STK32B: variants seen among roughly 807,000 people sequenced by gnomAD.
STK32B encodes serine/threonine kinase 32B.
STK32B carries 43 observed loss-of-function variants against 52.6 expected under a neutral mutation model. The ratio of observed to expected loss-of-function variants is 0.82; its 90% CI spans 0.64 to 1.05. The LOEUF is 1.05. Ranked by LOEUF, STK32B falls within the 50% of genes least tolerant of loss-of-function variation. The probability of loss-of-function intolerance (pLI) is 0.00; values close to 1 mark genes in which losing one functional copy is unlikely to be tolerated. For synonymous variants in STK32B, 238 were observed against 204.3 expected, an observed-to-expected ratio of 1.17 and a Z score of -1.41; for missense variants, 621 against 534.6, an observed-to-expected ratio of 1.16 and a Z score of -1.59.
intron 3 of STK32B, among the ~76,000 whole-genome samples, chr4:5,212,023 C>T (rs572728263): frequency 3.3e-5 from 5 of 152,324 alleles, no homozygotes; most frequent in South Asian, 4.1e-4. Flanking sequence ...ATTCAACACT[C>T]GTGCAGCAAA....
chr4:5,450,026 T>C (rs966741750), intron 7 of STK32B, among the ~76,000 whole-genome samples: 1 of 152,086 alleles, frequency 6.6e-6, no homozygotes, highest in African/African-American at 2.4e-5. Context: ...CCCTAGTCCA[T>C]GGAAAAAAAT....
rs751371418 is a variant in STK32B, at chr4:5,398,175, C to T, written c.435-32C>T. On this transcript the variant is annotated intron_variant, in intron 4 of 11. Transcript: ENST00000282908. This position sits in a 1 kb window ranked among gnomAD's most constrained non-coding sequence, Gnocchi z 4.9. The stretch of plus-strand genomic sequence containing the variant: ...TGTGCTCATCTGTGGGCTCAGGAAC[C>T]ACATTGCCAGCTTCTTTGTTTTCTT... 2.5e-6 allele frequency: 4 copies of T among 1,613,158 alleles called. No individual in the cohort carries two copies. Among genetic ancestry groups the T allele is most frequent in the Admixed American group, 1.7e-5 (1 of 59,886 alleles).
intron 1 of STK32B, among the ~76,000 whole-genome samples, chr4:5,102,875 C>CT (rs1485813818): frequency 9.8e-6 from 1 of 101,802 alleles, no homozygotes; most frequent in Non-Finnish European, 2.1e-5. Context: ...CCCTCCCTCC[C>CT]TCCCTTCTTT....
At chr4:5,410,490 C>G (rs1233035063) in intron 5 of STK32B, among the ~76,000 whole-genome samples, 1 of 152,172 alleles carries the variant, frequency 6.6e-6, no homozygotes, top group African/African-American at 2.4e-5. Flanking sequence ...TTTGCACCCA[C>G]TCCCAGGAAT....
intron 4 of STK32B, among the ~76,000 whole-genome samples, chr4:5,344,413 TG>T (rs1733309370): frequency 6.6e-6 from 1 of 152,204 alleles, no homozygotes; most frequent in African/African-American, 2.4e-5. Context: ...CACTGTATTT[TG>T]CTCCTGACTC....
chr4:5,246,634 A>T (rs1278219957), intron 3 of STK32B, among the ~76,000 whole-genome samples: 2 of 152,056 alleles, frequency 1.3e-5, no homozygotes, highest in African/African-American at 4.8e-5. Flanking sequence ...GTTCCTTTGG[A>T]GGAGGAGAGG....
At chr4:5,421,685 A>G (rs1180547825) in intron 6 of STK32B, among the ~76,000 whole-genome samples, 2 of 152,220 alleles carry the variant, frequency 1.3e-5, no homozygotes, top group Non-Finnish European at 2.9e-5. Context: ...CTTGGTCTCC[A>G]GGAAAGCAGA....
intron 3 of STK32B, among the ~76,000 whole-genome samples, chr4:5,252,309 G>C (rs991551015): frequency 1.3e-5 from 2 of 152,182 alleles, no homozygotes; most frequent in African/African-American, 4.8e-5. Flanking sequence ...ATTGGATAAA[G>C]AACCTCCAAT....
intron 1 of STK32B, among the ~76,000 whole-genome samples, chr4:5,076,839 T>TA (rs1389854114): frequency 2.6e-5 from 4 of 152,332 alleles, no homozygotes; most frequent in East Asian, 3.9e-4. Context: ...GACTTTTTTT[T>TA]ATAACTAAGT....
chr4:5,463,035 T>A (rs1473904707), intron 9 of STK32B, among the ~76,000 whole-genome samples: 2 of 152,184 alleles, frequency 1.3e-5, no homozygotes, highest in African/African-American at 4.8e-5. Flanking sequence ...CCCTAGTTCT[T>A]CACAGATCCG....
At chr4:5,168,837 T>C (rs1719102278) in intron 3 of STK32B, among the ~76,000 whole-genome samples, 1 of 152,186 alleles carries the variant, frequency 6.6e-6, no homozygotes, top group Non-Finnish European at 1.5e-5. Context: ...AGTATTCTAC[T>C]TCAGTACAGA....
At chr4:5,035,222 G>A in the STK32B span, among the ~76,000 whole-genome samples, 1 of 152,228 alleles carries the variant, frequency 6.6e-6, no homozygotes, top group Non-Finnish European at 1.5e-5. Context: ...GCACCTGGCA[G>A]TGCCTGTTTC....
At chr4:5,076,184 T>C (rs1712059795) in intron 1 of STK32B, among the ~76,000 whole-genome samples, 1 of 152,152 alleles carries the variant, frequency 6.6e-6, no homozygotes, top group Non-Finnish European at 1.5e-5. Context: ...TGGGGAAGCA[T>C]ACTGTGCTGA....
At chr4:5,286,182 G>C (rs1235617752) in intron 3 of STK32B, among the ~76,000 whole-genome samples, 1 of 152,136 alleles carries the variant, frequency 6.6e-6, no homozygotes, top group Non-Finnish European at 1.5e-5. Context: ...TATTATGGCA[G>C]TTCTAGCAAA....
At chr4:5,061,478 T>C (rs1358219166) in intron 1 of STK32B, among the ~76,000 whole-genome samples, 1 of 152,244 alleles carries the variant, frequency 6.6e-6, no homozygotes, top group Non-Finnish European at 1.5e-5. Context: ...TGTCTATTGT[T>C]TCATTATAAG....
rs1029718602 is a variant in STK32B at position 5,302,391 on chromosome 4, C to T, written c.261-28829C>T. Among the ~76,000 whole-genome samples the T allele has an allele frequency of 1.9e-4, 29 of 151,900 alleles. 1 individual carries two copies. The highest frequency in any genetic ancestry group is 6.5e-4 in the African/African-American group (27 of 41,384). ...TTTAACATCCTGTTTAGAAATCTGT[C>T]TACCCTAAAGTTATAAAGATCTTCC... On this transcript the variant is annotated intron_variant, in intron 3 of 11. Transcript: ENST00000282908.
chr4:5,341,048 T>G (rs1733039987), intron 4 of STK32B, among the ~76,000 whole-genome samples: 1 of 152,208 alleles, frequency 6.6e-6, no homozygotes, highest in South Asian at 2.1e-4. Flanking sequence ...TGATGACCAC[T>G]GAGCATACAG....
intron 3 of STK32B, among the ~76,000 whole-genome samples, chr4:5,232,136 G>T (rs1172462903): frequency 6.6e-6 from 1 of 152,124 alleles, no homozygotes; most frequent in Non-Finnish European, 1.5e-5. Context: ...GGACCTTTTT[G>T]ATAGTGAAGG....
At chr4:5,211,402 C>G (rs961398221) in intron 3 of STK32B, among the ~76,000 whole-genome samples, 1 of 150,142 alleles carries the variant, frequency 6.7e-6, no homozygotes, top group Non-Finnish European at 1.5e-5. Flanking sequence ...ACAGCTACCA[C>G]TTGGGGAGAA....
Sources: allele counts gnomAD v4.1 joint callset (sites outside exome capture counted in the v4.1 genomes callset), GRCh38; gene constraint gnomAD v4.1.1; non-coding constraint Gnocchi (gnomAD v3.1); transcripts MANE v1.5; gene names NCBI Gene and HGNC (gene_info 2026-07-23, HGNC 2026-07-21).